CALD1: variants seen among roughly 807,000 people sequenced by gnomAD.
CALD1 encodes the protein caldesmon 1.
CALD1 carries 33 observed loss-of-function variants against 99.9 expected under a neutral mutation model. The ratio of observed to expected loss-of-function variants is 0.33; its 90% CI spans 0.25 to 0.44. The LOEUF (loss-of-function observed/expected upper bound fraction) is 0.44. Among genes scored for constraint, CALD1 ranks in the 20% least tolerant of loss-of-function variants. The pLI is 1.00. For missense variants in CALD1, 861 were observed against 962.1 expected, an observed-to-expected ratio of 0.89 and a Z score of 1.39; for synonymous variants, 310 against 325.0, an observed-to-expected ratio of 0.95 and a Z score of 0.50.
intron 3 of CALD1, among the ~76,000 whole-genome samples, chr7:134,903,547 C>T (rs957439895): frequency 1.3e-5 from 2 of 152,146 alleles, no homozygotes; most frequent in African/African-American, 4.8e-5. Flanking sequence ...TGCCTCTGTC[C>T]TCACTTCTGG....
intron 1 of CALD1, among the ~76,000 whole-genome samples, chr7:134,816,773 A>ACTGTTTCC (rs1188640265): frequency 6.6e-6 from 1 of 152,182 alleles, no homozygotes; most frequent in Non-Finnish European, 1.5e-5. Flanking sequence ...AGACATTTCC[A>ACTGTTTCC]CTGTTTCCCA....
At chr7:134,786,128 G>A (rs1336007010) in intron 1 of CALD1, among the ~76,000 whole-genome samples, 1 of 152,216 alleles carries the variant, frequency 6.6e-6, no homozygotes, top group Non-Finnish European at 1.5e-5. Context: ...AATGTGGTCT[G>A]TAGGTTTTTA....
At chr7:134,729,433 C>A in the CALD1 span, among the ~76,000 whole-genome samples, 1 of 152,218 alleles carries the variant, frequency 6.6e-6, no homozygotes, top group African/African-American at 2.4e-5. Flanking sequence ...TCCTCTGCTG[C>A]CTCTCACCTC....
chr7:134,767,573 G>A (rs754884154), intron 1 of CALD1, among the ~76,000 whole-genome samples: 2 of 152,236 alleles, frequency 1.3e-5, no homozygotes, highest in Non-Finnish European at 2.9e-5. Flanking sequence ...TGAAATGAGT[G>A]AAGTGTGTGT....
Position 134,950,531 on chromosome 7 carries a change from A to C in CALD1, c.1935+17A>C. The C allele has an allele frequency of 1.2e-6, 2 of 1,607,892 alleles. No homozygotes were observed. The highest frequency in any genetic ancestry group is 1.7e-6 in the Non-Finnish European group (2 of 1,174,982). ...TCTCTCAAGGTATTTTTTTCCCCAG[A>C]AAACTTCTATTAGAATATGATAGAG... On this transcript the variant is annotated intron_variant, in intron 9 of 14. Transcript: ENST00000361675.
At chr7:134,850,318 T>G (rs1800023669) in intron 2 of CALD1, among the ~76,000 whole-genome samples, 1 of 152,210 alleles carries the variant, frequency 6.6e-6, no homozygotes, top group Non-Finnish European at 1.5e-5. Flanking sequence ...GTCTACTATG[T>G]ATTATCCATT....
chr7:134,832,010 C>A (rs1257901814), intron 1 of CALD1, among the ~76,000 whole-genome samples: 1 of 152,228 alleles, frequency 6.6e-6, no homozygotes. Flanking sequence ...GATCCTAGGA[C>A]TTTTATAAGC....
intron 3 of CALD1, among the ~76,000 whole-genome samples, chr7:134,884,353 C>G: frequency 6.6e-6 from 1 of 152,132 alleles, no homozygotes; most frequent in Admixed American, 6.5e-5. Flanking sequence ...AAAATATTAC[C>G]TGTGATGATT....
At chr7:134,837,881 G>C (rs1425467954) in intron 1 of CALD1, among the ~76,000 whole-genome samples, 3 of 152,160 alleles carry the variant, frequency 2.0e-5, no homozygotes, top group African/African-American at 7.2e-5. Flanking sequence ...TTGTTAAAGA[G>C]CTTCTCTTAG....
intron 7 of CALD1, among the ~76,000 whole-genome samples, chr7:134,943,122 T>C (rs996015800): frequency 4.6e-5 from 7 of 152,298 alleles, no homozygotes; most frequent in African/African-American, 1.4e-4. Flanking sequence ...TAGAGAAGTA[T>C]AGTTTTGCTC....
intron 1 of CALD1, among the ~76,000 whole-genome samples, chr7:134,744,708 C>T (rs756387962): frequency 1.3e-5 from 2 of 151,994 alleles, no homozygotes; most frequent in African/African-American, 2.4e-5. Flanking sequence ...ATGATAAATA[C>T]CTGCAAGTCG....
At chr7:134,763,451 G>A (rs1281517177) in intron 1 of CALD1, among the ~76,000 whole-genome samples, 1 of 152,148 alleles carries the variant, frequency 6.6e-6, no homozygotes, top group African/African-American at 2.4e-5. Flanking sequence ...TATCCCTAAA[G>A]AGGGGCAATT....
intron 3 of CALD1, among the ~76,000 whole-genome samples, chr7:134,915,412 G>A (rs1350254925): frequency 6.6e-6 from 1 of 152,210 alleles, no homozygotes. Context: ...CTTCACCACT[G>A]AAGCAGTTCC....
chr7:134,947,569 G>A lies in CALD1; in HGVS notation c.1594G>A (p.Ala532Thr). The change falls in exon 8 of 15, where the codon GCC becomes ACC. Residue 532 changes from alanine (A) to threonine (T), a missense_variant. Coordinates refer to ENST00000361675, the MANE Select transcript of CALD1 (RefSeq NM_033138.4). ...GGCTGAGGGCGCCCCCCAGGTGGAAGCCGGCAAAAGGCTGGAGGAGCTTCG... is the reference window on the plus strand; with the variant it reads ...GGCTGAGGGCGCCCCCCAGGTGGAAACCGGCAAAAGGCTGGAGGAGCTTCG... The part of the protein sequence containing the change: ...KEAEGAPQVE[A>T]GKRLEELRRR... 1 of 1,561,992 alleles carries A rather than the reference G, an allele frequency of 6.4e-7. No individual in the cohort carries two copies. The highest frequency in any genetic ancestry group is 8.7e-7 in the Non-Finnish European group (1 of 1,152,706).
In CALD1 at chr7:134,889,540, C is replaced by T. The variant is rs574073144; in HGVS notation, c.71+21736C>T. ...CATGTTCTCAGGTTCTGGAGATTTG[C>T]GGGAAACGTTATTCCACCTACCATA... On this transcript the variant is annotated intron_variant, in intron 3 of 14. Transcript: ENST00000361675. 9.9e-5 allele frequency among the ~76,000 whole-genome samples: 15 copies of T among 152,284 alleles called. No homozygotes were observed. In the South Asian group the frequency reaches 1.7e-3, roughly 17 times the overall value.
chr7:134,939,211 C>A (rs912521626), intron 6 of CALD1, among the ~76,000 whole-genome samples: 7 of 152,174 alleles, frequency 4.6e-5, no homozygotes, highest in Non-Finnish European at 7.4e-5. Context: ...CATCAGGGAG[C>A]CACAGTGAAG....
At chr7:134,891,552 C>T (rs1173726218) in intron 3 of CALD1, 2 of 1,558,588 alleles carry the variant, frequency 1.3e-6, no homozygotes, top group East Asian at 2.3e-5. Context: ...GCCCAGCCCA[C>T]GCCCTGACCG....
In CALD1 at chr7:134,947,824, G is replaced by A. The variant is rs755678520; in HGVS notation, c.1794+55G>A. On this transcript the variant is annotated intron_variant, in intron 8 of 14. Transcript: ENST00000361675. The stretch of plus-strand genomic sequence containing the variant: ...TTGCCCGGGAAAATTCCCTAGTGCC[G>A]TGCGGCTGTTCTTTTGAGCATGGGC... The A allele has an allele frequency of 2.6e-6, 4 of 1,566,222 alleles. No individual in the cohort carries two copies. The African/African-American group carries it at 4.1e-5, about 16-fold the overall frequency.
intron 1 of CALD1, among the ~76,000 whole-genome samples, chr7:134,791,057 GATA>G (rs1797512503): frequency 3.7e-5 from 1 of 26,922 alleles, no homozygotes; most frequent in African/African-American, 2.4e-4. Flanking sequence ...TCCCAGGTGA[GATA>G]CTACTTATTA....
Sources: gnomAD v4.1 joint callset for allele counts (sites outside exome capture counted in the v4.1 genomes callset) on GRCh38, gnomAD v4.1.1 for gene constraint, MANE v1.5 for transcripts, NCBI Gene and HGNC (gene_info 2026-07-23, HGNC 2026-07-21) for gene names.